Variants in HBP1 observed in about 807,000 individuals in gnomAD.
HBP1 encodes HMG box-containing protein 1.
HBP1 carries 20 observed loss-of-function variants against 62.6 expected under a neutral mutation model. The observed-to-expected ratio is 0.32, with a 90% CI of 0.22 to 0.46. The LOEUF (loss-of-function observed/expected upper bound fraction) is 0.46. Ranked by LOEUF, HBP1 falls within the 20% of genes least tolerant of loss-of-function variation. The probability of loss-of-function intolerance (pLI) is 1.00; values close to 1 mark genes in which losing one functional copy is unlikely to be tolerated. For missense variants in HBP1, 480 were observed against 611.8 expected (o/e 0.78, Z 2.27); for synonymous variants, 232 against 206.2 (o/e 1.12, Z -1.07).
rs1054979051 is a variant in HBP1, at chr7:107,179,241, G to C, written c.-15-638G>C. On this transcript the variant is annotated intron_variant, in intron 1 of 10. Coordinates refer to ENST00000222574, the MANE Select transcript of HBP1 (RefSeq NM_012257.4). The stretch of plus-strand genomic sequence containing the variant: ...TTTGAAGGTACAAGTGAAAAAAAGA[G>C]TCCTATTAGTCTCAGTTTTTGCATC... Among the ~76,000 whole-genome samples the C allele has an allele frequency of 5.9e-5, 9 of 152,088 alleles. 1 individual carries two copies. In the South Asian group the frequency reaches 1.9e-3, roughly 32 times the overall value.
chr7:107,171,846 C>T (rs537491709), intron 1 of HBP1, among the ~76,000 whole-genome samples: 2 of 128,998 alleles, frequency 1.6e-5, no homozygotes, highest in South Asian at 2.4e-4. Context: ...GGCATCAGAA[C>T]GAGACTTCCT....
chr7:107,195,398 C>G (rs1042401081), intron 8 of HBP1, among the ~76,000 whole-genome samples: 1 of 152,140 alleles, frequency 6.6e-6, no homozygotes, highest in Non-Finnish European at 1.5e-5. Flanking sequence ...GTCCTTAGGC[C>G]TGGTATGTTG....
intron 1 of HBP1, among the ~76,000 whole-genome samples, chr7:107,172,764 T>A (rs776644031): frequency 5.2e-4 from 79 of 152,284 alleles, no homozygotes; most frequent in Non-Finnish European, 1.0e-3. Flanking sequence ...TACTTATTTT[T>A]AAAAATTTTT....
At position 107,179,925 on chromosome 7, in the gene HBP1, C is replaced by T. The variant is rs1338924235; in HGVS notation, c.32C>T (p.Pro11Leu). The T allele has an allele frequency of 1.9e-6, 3 of 1,606,950 alleles. No homozygotes were observed. The highest frequency in any genetic ancestry group is 2.6e-6 in the Non-Finnish European group (3 of 1,174,210). Residue 11 changes from proline (P) to leucine (L), a missense_variant, in exon 2 of 11, where the codon CCT (proline) becomes CTT (leucine). Pro to Leu is a moderately conservative substitution (Grantham distance 98). Transcript: ENST00000222574. Reference protein sequence around the residue: MVWEVKTNQMPNAVQKLLLVM... With the variant: MVWEVKTNQMLNAVQKLLLVM... ...TGGGAAGTGAAGACAAATCAGATGC[C>T]TAATGCAGTACAGAAACTCCTGTTG...
chr7:107,180,384 T>G (rs1324494123), intron 2 of HBP1, among the ~76,000 whole-genome samples: 1 of 152,250 alleles, frequency 6.6e-6, no homozygotes, highest in African/African-American at 2.4e-5. Context: ...TAAAATATGC[T>G]TAGCCACTCT....
intron 1 of HBP1, chr7:107,174,351 A>T (rs1796737935): frequency 3.9e-6 from 2 of 512,946 alleles, no homozygotes; most frequent in Non-Finnish European, 5.0e-6. Flanking sequence ...GAACACATAG[A>T]ACTTATATTC....
chr7:107,201,191 T>TC (rs1798264968), intron 10 of HBP1: 1 of 399,356 alleles, frequency 2.5e-6, no homozygotes, highest in East Asian at 3.8e-5. Flanking sequence ...TTCGGACTTT[T>TC]CCTGTATCCC....
chr7:107,189,469 G>T, intron 7 of HBP1, 21 bp downstream of exon 7: 1 of 1,563,078 alleles, frequency 6.4e-7, no homozygotes, highest in Non-Finnish European at 8.7e-7. Context: ...AATTGCATTT[G>T]TAGTAACTTT....
intron 2 of HBP1, among the ~76,000 whole-genome samples, chr7:107,180,321 A>G (rs1408926388): frequency 6.6e-6 from 1 of 152,136 alleles, no homozygotes; most frequent in Non-Finnish European, 1.5e-5. Context: ...ATTGGACCCC[A>G]CTCGTGGCTT....
At chr7:107,200,456 T>C (rs1441804466) in intron 10 of HBP1, 155 bp downstream of exon 10, 1 of 480,444 alleles carries the variant, frequency 2.1e-6, no homozygotes, top group African/African-American at 2.0e-5. Context: ...CACATCATCA[T>C]ATAAAGACTG....
intron 6 of HBP1, among the ~76,000 whole-genome samples, chr7:107,188,443 T>G (rs1440329666): frequency 1.3e-5 from 2 of 152,230 alleles, no homozygotes; most frequent in Non-Finnish European, 2.9e-5. Flanking sequence ...TTTTAAGTCA[T>G]CCTCTCTTAT....
chr7:107,201,685 T>C lies in HBP1; in HGVS notation c.*254T>C, dbSNP rs908767852. On this transcript the variant is annotated 3_prime_UTR_variant, in exon 11 of 11. Transcript: ENST00000222574. ...CCAAACTTCATATATGTCTATCAGGTAATAATAGGCTTGAAAATTGATATC... is the reference window on the plus strand; with the variant it reads ...CCAAACTTCATATATGTCTATCAGGCAATAATAGGCTTGAAAATTGATATC... 2 of 372,452 alleles carry C rather than the reference T, an allele frequency of 5.4e-6. No homozygotes were observed. The highest frequency in any genetic ancestry group is 9.6e-6 in the Non-Finnish European group (2 of 207,274). The allele number at this position is 372,452 out of a possible 1,614,324, so 23.1% of individuals were successfully genotyped here.
At chr7:107,190,386 T>A (rs2115935731) in intron 8 of HBP1, 69 bp downstream of exon 8, 1 of 1,004,696 alleles carries the variant, frequency 1.0e-6, no homozygotes, top group Non-Finnish European at 1.5e-6. Context: ...TAATGATGGT[T>A]AAGTCAGATA....
In HBP1 at chr7:107,202,265, C is replaced by T. The variant is rs1408127330; in HGVS notation, c.*834C>T. On this transcript the variant is annotated 3_prime_UTR_variant, in exon 11 of 11. Transcript: ENST00000222574. ...CTTTATGGTGGGGGCAGACTTTGCA[C>T]TTACTGCAGTGCAACACTTGCACTT... is the stretch of plus-strand genomic sequence containing the variant. 1 of 152,624 alleles carries T rather than the reference C, an allele frequency of 6.6e-6. No homozygotes were observed. The highest frequency in any genetic ancestry group is 1.5e-5 in the Non-Finnish European group (1 of 68,028). 9.5% of individuals were successfully genotyped at this position (152,624 alleles called of 1,614,324 possible). A position where few individuals can be genotyped will look rare whatever the true frequency, so the allele number is the denominator to read the frequency against.
At position 107,175,205 on chromosome 7, in the gene HBP1, T is replaced by A. The variant is rs534871632; in HGVS notation, c.-15-4674T>A. ...AGTTCTGATCATGTCAGACCTCTTTTAAAAAAAAAAATCATCAGTGGTTCT... is the reference window on the plus strand; with the variant it reads ...AGTTCTGATCATGTCAGACCTCTTTAAAAAAAAAAAATCATCAGTGGTTCT... On this transcript the variant is annotated intron_variant, in intron 1 of 10. Coordinates refer to ENST00000222574, the MANE Select transcript of HBP1 (RefSeq NM_012257.4). Among the ~76,000 whole-genome samples, 1,461 of 149,820 alleles carry A rather than the reference T, an allele frequency of 9.8e-3. 22 individuals are homozygous for A. The highest frequency in any genetic ancestry group is 0.034 in the African/African-American group (1,395 of 40,910).
At chr7:107,174,997 A>G (rs1339070461) in intron 1 of HBP1, among the ~76,000 whole-genome samples, 1 of 152,140 alleles carries the variant, frequency 6.6e-6, no homozygotes, top group Non-Finnish European at 1.5e-5. Flanking sequence ...TAAATAAGGA[A>G]TCTGCACTGA....
intron 1 of HBP1, among the ~76,000 whole-genome samples, chr7:107,171,125 A>C (rs1317477212): frequency 3.9e-5 from 5 of 128,578 alleles, no homozygotes; most frequent in Non-Finnish European, 6.2e-5. Flanking sequence ...GCTGGAGTGC[A>C]GGGGTGCGAT....
At chr7:107,199,820 CTT>C (rs1218113919) in intron 9 of HBP1, among the ~76,000 whole-genome samples, 3 of 152,186 alleles carry the variant, frequency 2.0e-5, no homozygotes, top group Non-Finnish European at 4.4e-5. Context: ...TTGGTTTTCT[CTT>C]GAGAGAGAAA....
Position 107,185,784 on chromosome 7 carries a change from CTG to C in HBP1, c.399-15_399-14del, listed in dbSNP as rs1797322472. The C allele has an allele frequency of 1.9e-6, 3 of 1,605,518 alleles. No homozygotes were observed. The highest frequency in any genetic ancestry group is 2.7e-5 in the African/African-American group (2 of 74,724). On this transcript the variant is annotated splice_polypyrimidine_tract_variant and intron_variant, in intron 3 of 10. Transcript: ENST00000222574. ...TAAGGACCTATGCTTATGGTTGAAA[CTG>C]TTGCTTTATTTTAGATCATCTCCTG...
Sources: gnomAD v4.1 joint callset for allele counts (sites outside exome capture counted in the v4.1 genomes callset) on GRCh38, gnomAD v4.1.1 for gene constraint, MANE v1.5 for transcripts, NCBI Gene and HGNC (gene_info 2026-07-23, HGNC 2026-07-21) for gene names.